Variants in GATA4 observed in about 807,000 individuals in gnomAD.
GATA4 encodes the protein transcription factor GATA-4.
In GATA4, 7 loss-of-function variants were observed where a neutral mutation model predicts 37.9. That is an observed-to-expected ratio of 0.18 (90% CI 0.11 to 0.35). The LOEUF (loss-of-function observed/expected upper bound fraction) is 0.35. Ranked by LOEUF, GATA4 falls within the 10% of genes least tolerant of loss-of-function variation. The probability of loss-of-function intolerance (pLI) is 1.00; values close to 1 mark genes in which losing one functional copy is unlikely to be tolerated. For missense variants in GATA4, 647 were observed against 653.0 expected, an observed-to-expected ratio of 0.99 and a Z score of 0.10; for synonymous variants, 372 against 292.6, an observed-to-expected ratio of 1.27 and a Z score of -2.77.
At chr8:11,711,279 T>G (rs1258322919) in intron 2 of GATA4, among the ~76,000 whole-genome samples, 2 of 152,184 alleles carry the variant, frequency 1.3e-5, no homozygotes, top group Non-Finnish European at 2.9e-5. Context: ...CCACCTGCCT[T>G]CTCTGGGCTC....
intron 2 of GATA4, among the ~76,000 whole-genome samples, chr8:11,747,000 C>T (rs1246500468): frequency 6.6e-6 from 1 of 152,216 alleles, no homozygotes; most frequent in East Asian, 1.9e-4. Flanking sequence ...CCACATTCCC[C>T]TAGAGCAAGT....
intron 1 of GATA4, among the ~76,000 whole-genome samples, chr8:11,678,647 A>C (rs1420826009): frequency 3.3e-5 from 5 of 152,230 alleles, no homozygotes; most frequent in Non-Finnish European, 7.3e-5. Context: ...TGGCTTTTTA[A>C]GTAGTAGTAG....
intron 4 of GATA4, among the ~76,000 whole-genome samples, chr8:11,752,857 C>G (rs550198723): frequency 1.3e-3 from 199 of 152,060 alleles, no homozygotes; most frequent in Non-Finnish European, 1.6e-3. Flanking sequence ...AGCATGTATA[C>G]AAGGATGTTT....
chr8:11,689,167 T>A (rs1228782787), upstream of GATA4, among the ~76,000 whole-genome samples: 3 of 152,168 alleles, frequency 2.0e-5, no homozygotes, highest in Admixed American at 2.0e-4. Context: ...TCCCCAGGGA[T>A]GGGGCCTGTT....
At chr8:11,684,124 T>C (rs989797094) in intron 1 of GATA4, among the ~76,000 whole-genome samples, 10 of 152,218 alleles carry the variant, frequency 6.6e-5, no homozygotes, top group African/African-American at 2.4e-4. Flanking sequence ...GCCCTGGTGA[T>C]GGAGATCCCT....
chr8:11,694,488 T>A (rs886734358), intron 1 of GATA4: 2 of 985,276 alleles, frequency 2.0e-6, no homozygotes, highest in African/African-American at 3.5e-5. Flanking sequence ...GTGGACTGCA[T>A]CCTCATCACT....
At chr8:11,713,791 G>C (rs138406147) in intron 2 of GATA4, among the ~76,000 whole-genome samples, 1 of 152,210 alleles carries the variant, frequency 6.6e-6, no homozygotes, top group Non-Finnish European at 1.5e-5. Flanking sequence ...ACTCCTGGGC[G>C]CTGGAAGCAC....
Position 11,755,107 on chromosome 8 carries a change from A to G in GATA4, c.974A>G (p.Asn325Ser), listed in dbSNP as rs770135255. ...CAAACCAGAAAACGGAAGCCCAAGAACCTGAATAAATCTAAGACACCAGCA... is the reference window on the plus strand; with the variant it reads ...CAAACCAGAAAACGGAAGCCCAAGAGCCTGAATAAATCTAAGACACCAGCA... ...GIQTRKRKPKNLNKSKTPAAP... is the reference protein window; with the variant it reads ...GIQTRKRKPKSLNKSKTPAAP... Residue 325 changes from asparagine (N) to serine (S), a missense_variant, in exon 5 of 7, where the codon AAC becomes AGC. By Grantham distance (46) the Asn-to-Ser change is conservative (BLOSUM62 1). Transcript: ENST00000532059. 6.2e-7 allele frequency: 1 copy of G among 1,614,070 alleles called. No individual in the cohort carries two copies. The highest frequency in any genetic ancestry group is 1.1e-5 in the South Asian group (1 of 91,074).
At chr8:11,680,698 G>A (rs1392302496) in intron 1 of GATA4, 1 of 985,202 alleles carries the variant, frequency 1.0e-6, no homozygotes, top group Non-Finnish European at 1.2e-6. Context: ...TGGGGAGACC[G>A]GAATCCTCCA....
At chr8:11,719,340 A>C (rs1800570174) in intron 2 of GATA4, among the ~76,000 whole-genome samples, 1 of 152,184 alleles carries the variant, frequency 6.6e-6, no homozygotes, top group Non-Finnish European at 1.5e-5. Context: ...ACAACAAATA[A>C]AACCTTTCCC....
intron 4 of GATA4, among the ~76,000 whole-genome samples, chr8:11,750,953 A>T (rs1802276013): frequency 6.6e-6 from 1 of 152,022 alleles, no homozygotes; most frequent in South Asian, 2.1e-4. Context: ...TCTCCAAAAA[A>T]ATAAAAATAT....
At chr8:11,744,500 G>A (rs1354893560) in intron 2 of GATA4, among the ~76,000 whole-genome samples, 1 of 152,226 alleles carries the variant, frequency 6.6e-6, no homozygotes, top group African/African-American at 2.4e-5. Flanking sequence ...TGCCCCCAGG[G>A]AAGTTCCTCT....
At chr8:11,748,851 G>T in intron 2 of GATA4, 65 bp from the exon 3 acceptor site, 2 of 1,570,528 alleles carry the variant, frequency 1.3e-6, no homozygotes, top group Non-Finnish European at 1.8e-6. Flanking sequence ...TCTCAGATGT[G>T]AGAGCTGGGC....
chr8:11,684,820 A>C (rs140465902), intron 1 of GATA4, among the ~76,000 whole-genome samples: 1 of 152,332 alleles, frequency 6.6e-6, no homozygotes, highest in African/African-American at 2.4e-5. Flanking sequence ...AATTAAATAC[A>C]TCTACTGAGA....
rs1399618529 is a variant in GATA4 at position 11,708,505 on chromosome 8, G to A, written c.193G>A (p.Gly65Ser). 6.1e-6 allele frequency: 9 copies of A among 1,476,372 alleles called. No homozygotes were observed. The highest frequency in any genetic ancestry group is 2.8e-5 in the East Asian group (1 of 35,304). The allele number at this position is 1,476,372 out of a possible 1,614,324, so 91.5% of individuals were successfully genotyped here. The change falls in exon 2 of 7, where the codon GGC becomes AGC. Residue 65 changes from glycine (G) to serine (S), a missense_variant. Physicochemically the swap from Gly to Ser is moderately conservative, Grantham distance 56. This residue lies in a region of GATA4 where 379 missense variants were observed against 334.5 expected (regional missense o/e 1.13). Coordinates refer to ENST00000532059, the MANE Select transcript of GATA4 (RefSeq NM_001308093.3). This position sits in a 1 kb window ranked among gnomAD's most constrained non-coding sequence, Gnocchi z 6.7. ...QGGGAGSASG[G>S]ASGGSSGGAA... ...CGGAGGCGCGGGCTCTGCGTCCGGA[G>A]GCGCCTCGGGCGGCAGCTCCGGTGG...
intron 4 of GATA4, among the ~76,000 whole-genome samples, chr8:11,752,819 G>A (rs913306539): frequency 6.6e-6 from 1 of 152,140 alleles, no homozygotes; most frequent in East Asian, 1.9e-4. Context: ...CTAAAGTTAT[G>A]AACATTCATA....
chr8:11,713,470 T>A (rs1001382650), intron 2 of GATA4, among the ~76,000 whole-genome samples: 13 of 151,880 alleles, frequency 8.6e-5, no homozygotes, highest in Non-Finnish European at 1.9e-4. Flanking sequence ...GCTGCGTGAG[T>A]CCTTTAAGAA....
intron 2 of GATA4, among the ~76,000 whole-genome samples, chr8:11,715,401 A>G (rs1160412616): frequency 1.3e-5 from 2 of 152,242 alleles, no homozygotes; most frequent in Admixed American, 6.5e-5. Flanking sequence ...CCATTTAATA[A>G]CAAGAAAATA....
At chr8:11,737,674 G>T (rs1801528521) in intron 2 of GATA4, among the ~76,000 whole-genome samples, 1 of 152,320 alleles carries the variant, frequency 6.6e-6, no homozygotes, top group Middle Eastern at 3.4e-3. Flanking sequence ...ACAGCTTCAG[G>T]AGTGCAGCAA....
Sources: allele counts gnomAD v4.1 joint callset (sites outside exome capture counted in the v4.1 genomes callset), GRCh38; gene constraint gnomAD v4.1.1; regional missense constraint gnomAD v4.1.1; non-coding constraint Gnocchi (gnomAD v3.1); transcripts MANE v1.5; gene names NCBI Gene and HGNC (gene_info 2026-07-23, HGNC 2026-07-21).